The following PRKCE variants were observed in gnomAD, a reference collection of about 807,000 sequenced individuals.
PRKCE encodes the protein protein kinase C epsilon type.
Under a neutral mutation model 85.4 loss-of-function variants are expected in PRKCE, and 16 were observed. That is an observed-to-expected ratio of 0.19 (90% CI 0.13 to 0.28). PRKCE has a LOEUF of 0.28. Ranked by LOEUF, PRKCE falls within the 10% of genes least tolerant of loss-of-function variation. PRKCE has a pLI of 1.00. For synonymous variants in PRKCE, 388 were observed against 371.5 expected (o/e 1.04, Z -0.51); for missense variants, 573 against 975.2 (o/e 0.59, Z 5.49).
intron 1 of PRKCE, among the ~76,000 whole-genome samples, chr2:45,779,187 G>A (rs1037446222): frequency 2.0e-5 from 3 of 152,166 alleles, no homozygotes; most frequent in African/African-American, 4.8e-5. Context: ...GGGGATTGTG[G>A]CCTGTTTTCC....
At chr2:45,985,326 T>A (rs999198470) in intron 6 of PRKCE, among the ~76,000 whole-genome samples, 1 of 152,152 alleles carries the variant, frequency 6.6e-6, no homozygotes, top group Admixed American at 6.5e-5. Context: ...ACTCAGATGA[T>A]GATGCTAAGT....
chr2:45,995,974 C>T (rs534806090), intron 6 of PRKCE, among the ~76,000 whole-genome samples: 58 of 152,242 alleles, frequency 3.8e-4, no homozygotes, highest in African/African-American at 1.3e-3. Context: ...TTGACAAATA[C>T]TGAGTCTTTC....
intron 11 of PRKCE, among the ~76,000 whole-genome samples, chr2:46,127,973 T>C (rs1412235110): frequency 2.6e-5 from 4 of 152,290 alleles, no homozygotes; most frequent in African/African-American, 7.2e-5. Flanking sequence ...CACAGGAGTA[T>C]CAGGAAGGCC....
intron 11 of PRKCE, among the ~76,000 whole-genome samples, chr2:46,106,662 T>G (rs1484573310): frequency 6.6e-6 from 1 of 152,246 alleles, no homozygotes; most frequent in Non-Finnish European, 1.5e-5. Context: ...TCTGTGCACA[T>G]GCACACCTGG....
At chr2:46,181,928 C>G (rs1477519085) in intron 14 of PRKCE, among the ~76,000 whole-genome samples, 1 of 152,164 alleles carries the variant, frequency 6.6e-6, no homozygotes, top group Non-Finnish European at 1.5e-5. Context: ...CATCTCCTGC[C>G]TACACGCCTT....
intron 1 of PRKCE, among the ~76,000 whole-genome samples, chr2:45,819,866 GA>G (rs1416487423): frequency 6.6e-6 from 1 of 152,214 alleles, no homozygotes; most frequent in Admixed American, 6.5e-5. Context: ...AGACTACAGT[GA>G]AGCAACAATA....
At chr2:45,795,010 C>T (rs954320747) in intron 1 of PRKCE, among the ~76,000 whole-genome samples, 6 of 152,200 alleles carry the variant, frequency 3.9e-5, no homozygotes, top group Non-Finnish European at 8.8e-5. Flanking sequence ...TTCCTTTCAT[C>T]TTTGTGCCAC....
chr2:45,941,491 G>A (rs565349527), intron 2 of PRKCE, among the ~76,000 whole-genome samples: 5 of 152,324 alleles, frequency 3.3e-5, no homozygotes, highest in African/African-American at 1.2e-4. Context: ...ACGGACGGAT[G>A]TTTATAAAGC....
chr2:45,927,453 C>T (rs945813393), intron 2 of PRKCE, among the ~76,000 whole-genome samples: 10 of 152,152 alleles, frequency 6.6e-5, no homozygotes, highest in Admixed American at 6.5e-4. Context: ...GATGTATAAA[C>T]AGAAGAGGTA....
chr2:45,971,387 T>A (rs986438192), intron 2 of PRKCE, among the ~76,000 whole-genome samples: 1 of 152,224 alleles, frequency 6.6e-6, no homozygotes, highest in Non-Finnish European at 1.5e-5. Context: ...GAATACACCA[T>A]ATTTTCTTCT....
intron 10 of PRKCE, among the ~76,000 whole-genome samples, chr2:46,066,899 T>C (rs1246995772): frequency 6.6e-6 from 1 of 152,214 alleles, no homozygotes; most frequent in Non-Finnish European, 1.5e-5. Flanking sequence ...AGGAAACTCA[T>C]TTGAACCATT....
chr2:45,785,534 T>G (rs1254406991), intron 1 of PRKCE, among the ~76,000 whole-genome samples: 1 of 151,508 alleles, frequency 6.6e-6, no homozygotes, highest in Non-Finnish European at 1.5e-5. Flanking sequence ...GGTAAACATA[T>G]ATGGTGAAAG....
chr2:46,159,543 C>T lies in PRKCE; in HGVS notation c.1921-63C>T, dbSNP rs755015689. The T allele has an allele frequency of 6.7e-7, 1 of 1,490,258 alleles. No individual in the cohort carries two copies. Among genetic ancestry groups the T allele is most frequent in the Non-Finnish European group, 8.9e-7 (1 of 1,126,636 alleles). 92.3% of individuals were successfully genotyped at this position (1,490,258 alleles called of 1,614,324 possible). On this transcript the variant is annotated intron_variant, in intron 13 of 14. Coordinates refer to ENST00000306156, the MANE Select transcript of PRKCE (RefSeq NM_005400.3). This position sits in a 1 kb window ranked among gnomAD's most constrained non-coding sequence, Gnocchi z 4.1. ...GCTGCTTTGGCTGACCTCCATCTGT[C>T]CCTTATAGCCTGTGCTGGCCAGGCC...
chr2:46,048,407 A>G (rs1033078431), intron 10 of PRKCE, among the ~76,000 whole-genome samples: 5 of 152,152 alleles, frequency 3.3e-5, no homozygotes, highest in African/African-American at 4.8e-5. Context: ...AGCCCCCATC[A>G]ATTTCCCATG....
intron 1 of PRKCE, among the ~76,000 whole-genome samples, chr2:45,674,208 C>T (rs1676312719): frequency 6.6e-6 from 1 of 152,186 alleles, no homozygotes; most frequent in East Asian, 1.9e-4. Flanking sequence ...CACTTCTGAG[C>T]CCCTCCAAGC....
Position 46,007,622 on chromosome 2 carries a change from C to T in PRKCE, c.1224C>T (p.Phe408=). Residue 408 remains phenylalanine, a synonymous_variant, in exon 9 of 15, where the codon TTC becomes TTT. Transcript: ENST00000306156. ...CCAAGCGCCTGGGCCTGGATGAGTT[C>T]AACTTCATCAAGGTGTTGGGCAAAG... ...GQAKRLGLDE[F]NFIKVLGKGS... is the part of the protein sequence containing the mutation. The T allele has an allele frequency of 6.3e-7, 1 of 1,599,768 alleles. No homozygotes were observed. The highest frequency in any genetic ancestry group is 8.5e-7 in the Non-Finnish European group (1 of 1,179,964).
intron 10 of PRKCE, among the ~76,000 whole-genome samples, chr2:46,012,070 G>A (rs779574672): frequency 2.9e-4 from 44 of 152,172 alleles, no homozygotes; most frequent in Non-Finnish European, 5.7e-4. Context: ...GGGTTTGTGT[G>A]TGTACAGAAT....
intron 2 of PRKCE, among the ~76,000 whole-genome samples, chr2:45,929,407 C>CT (rs1325556053): frequency 6.6e-6 from 1 of 152,156 alleles, no homozygotes; most frequent in African/African-American, 2.4e-5. Flanking sequence ...CATTTTGTGG[C>CT]TTTTTAACCG....
Position 45,988,293 on chromosome 2 carries a change from T to C in PRKCE, c.823+3613T>C, listed in dbSNP as rs112795072. On this transcript the variant is annotated intron_variant, in intron 6 of 14. Transcript: ENST00000306156. ...CAGCAAAACAGGTTTCTTCAGAGCT[T>C]GGGTCTACGAGGAGGGATCCATGAG... Among the ~76,000 whole-genome samples the C allele has an allele frequency of 3.6e-3, 543 of 152,312 alleles. 3 individuals are homozygous for C. Among genetic ancestry groups the C allele is most frequent in the African/African-American group, 0.011 (459 of 41,564 alleles).
Sources: allele counts gnomAD v4.1 joint callset (sites outside exome capture counted in the v4.1 genomes callset), GRCh38; gene constraint gnomAD v4.1.1; non-coding constraint Gnocchi (gnomAD v3.1); transcripts MANE v1.5; gene names NCBI Gene and HGNC (gene_info 2026-07-23, HGNC 2026-07-21).